Variants in NARS2 observed in about 807,000 individuals in gnomAD.
NARS2 encodes asparaginyl-tRNA synthetase 2, mitochondrial.
A neutral mutation model predicts 62.9 loss-of-function variants in NARS2; 60 were observed. That is an observed-to-expected ratio of 0.95 (90% confidence interval 0.77 to 1.18). The LOEUF is 1.18. NARS2 is among the 50% of genes most tolerant of loss of function. The probability of loss-of-function intolerance (pLI) is 0.00; values close to 1 mark genes in which losing one functional copy is unlikely to be tolerated. For synonymous variants in NARS2, 196 were observed against 200.0 expected, an observed-to-expected ratio of 0.98 and a Z score of 0.17; for missense variants, 619 against 576.4, an observed-to-expected ratio of 1.07 and a Z score of -0.76.
At chr11:78,444,118 A>C (rs1180153969) in intron 11 of NARS2, 2 of 159,274 alleles carry the variant, frequency 1.3e-5, no homozygotes, top group African/African-American at 4.8e-5. Flanking sequence ...TACAGATAAA[A>C]ACTTACCACT....
chr11:78,469,202 G>A (rs1858761105), intron 10 of NARS2, 45 bp downstream of exon 10: 1 of 1,288,190 alleles, frequency 7.8e-7, no homozygotes, highest in South Asian at 1.2e-5. Flanking sequence ...AGACAAGAAG[G>A]AAGCATTTTC....
rs897058931 is a variant in NARS2, at chr11:78,553,838, C to T, written c.594+5701G>A. 2.4e-4 allele frequency among the ~76,000 whole-genome samples: 37 copies of T among 152,086 alleles called. No individual in the cohort carries two copies. In the East Asian group the frequency reaches 3.8e-3, roughly 16 times the overall value. ...GAAATCTCTGCCAGGATGGTATTGC[C>T]TAGGTTGTCTTCCAGGGTTTTTACA... On this transcript the variant is annotated intron_variant, in intron 5 of 13. Coordinates refer to ENST00000281038, the MANE Select transcript of NARS2 (RefSeq NM_024678.6).
At chr11:78,532,312 G>C (rs1269973786) in intron 5 of NARS2, among the ~76,000 whole-genome samples, 1 of 152,024 alleles carries the variant, frequency 6.6e-6, no homozygotes, top group African/African-American at 2.4e-5. Context: ...TTTAATAAAG[G>C]AAGATATAGG....
intron 5 of NARS2, among the ~76,000 whole-genome samples, chr11:78,538,631 G>GGGGT (rs1855470076): frequency 6.6e-6 from 1 of 152,116 alleles, no homozygotes; most frequent in Non-Finnish European, 1.5e-5. Flanking sequence ...ACGTGGGAAG[G>GGGGT]GGGTGTCATA....
chr11:78,439,543 T>C (rs1857511734), intron 13 of NARS2, among the ~76,000 whole-genome samples: 1 of 152,208 alleles, frequency 6.6e-6, no homozygotes, highest in Admixed American at 6.5e-5. Flanking sequence ...TTTCATTTCA[T>C]CCGCACAATA....
In NARS2 at chr11:78,571,626, C is replaced by G. The variant is rs531658985; in HGVS notation, c.142-182G>C. The G allele has an allele frequency of 5.2e-5, 26 of 499,668 alleles. No homozygotes were observed. The Admixed American group carries it at 8.3e-4, about 16-fold the overall frequency. The allele number at this position is 499,668 out of a possible 1,614,324, so 31.0% of individuals were successfully genotyped here. A position where few individuals can be genotyped will look rare whatever the true frequency, so the allele number is the denominator to read the frequency against. On this transcript the variant is annotated intron_variant, in intron 1 of 13. Transcript: ENST00000281038. ...TGTTCCAATCACAATAGGATACACA[C>G]TTTGGTATTCTATCTTTTGTTTTCG...
At chr11:78,505,341 T>G (rs1860453049) in intron 6 of NARS2, among the ~76,000 whole-genome samples, 1 of 149,370 alleles carries the variant, frequency 6.7e-6, no homozygotes. Context: ...TGTATATATC[T>G]TATGTTAAAA....
At chr11:78,541,698 ACT>A (rs1281691052) in intron 5 of NARS2, among the ~76,000 whole-genome samples, 9 of 152,112 alleles carry the variant, frequency 5.9e-5, no homozygotes, top group Admixed American at 1.3e-4. Flanking sequence ...AGAGAGTAAG[ACT>A]CTGCCTCTAA....
chr11:78,458,924 TG>T (rs1459101747), intron 11 of NARS2, among the ~76,000 whole-genome samples: 42 of 151,160 alleles, frequency 2.8e-4, no homozygotes, highest in Admixed American at 9.2e-4. Flanking sequence ...TTTGTTTGTT[TG>T]TTTGTTTTTT....
intron 1 of NARS2, among the ~76,000 whole-genome samples, chr11:78,572,425 G>T (rs1169709203): frequency 6.6e-6 from 1 of 152,182 alleles, no homozygotes; most frequent in Non-Finnish European, 1.5e-5. Flanking sequence ...CCGATTAGTA[G>T]AGTTGAGATT....
chr11:78,448,529 C>A (rs901053493), intron 11 of NARS2, among the ~76,000 whole-genome samples: 23 of 151,900 alleles, frequency 1.5e-4, no homozygotes, highest in Non-Finnish European at 2.2e-4. Flanking sequence ...TGATCTTGAA[C>A]CACGAGGTCT....
At position 78,465,981 on chromosome 11, in the gene NARS2, C is replaced by T. The variant is rs781010451; in HGVS notation, c.1059G>A (p.Lys353=). 14 of 1,612,982 alleles carry T rather than the reference C, an allele frequency of 8.7e-6. No individual in the cohort carries two copies. In the Admixed American group the frequency reaches 1.0e-4, roughly 12 times the overall value. ...WGADLRTEHE[K]YLVKHCGNIP... is the part of the protein sequence containing the mutation. ...TGTTGCCACAGTGCTTCACCAGGTA[C>T]TTTTCATGTTCAGTCCGTAGGTCAG... is the stretch of plus-strand genomic sequence containing the variant. The change falls in exon 11 of 14, where the codon AAG becomes AAA. Residue 353 remains lysine (K), a synonymous_variant. Transcript: ENST00000281038.
chr11:78,454,040 T>C (rs1858064484), intron 11 of NARS2, among the ~76,000 whole-genome samples: 1 of 152,196 alleles, frequency 6.6e-6, no homozygotes, highest in Admixed American at 6.5e-5. Context: ...CCTTCCTTAG[T>C]GAGCTCTAAA....
At chr11:78,487,354 TAAAAA>T (rs764364438) in intron 7 of NARS2, among the ~76,000 whole-genome samples, 1 of 92,390 alleles carries the variant, frequency 1.1e-5, no homozygotes, top group African/African-American at 3.9e-5. Context: ...AGGCTCTGTC[TAAAAA>T]AAAAAAAAAA....
intron 11 of NARS2, among the ~76,000 whole-genome samples, chr11:78,458,839 C>A (rs7935292): frequency 2.0e-5 from 3 of 151,936 alleles, no homozygotes; most frequent in African/African-American, 7.3e-5. Flanking sequence ...TGGGAGATAA[C>A]TGAATCATGG....
At chr11:78,458,875 T>G (rs777867856) in intron 11 of NARS2, among the ~76,000 whole-genome samples, 4 of 152,096 alleles carry the variant, frequency 2.6e-5, no homozygotes, top group Middle Eastern at 3.2e-3. Flanking sequence ...ACTGTTCTTG[T>G]GGTAGTAAGT....
At chr11:78,512,438 A>T (rs1860752723) in intron 6 of NARS2, among the ~76,000 whole-genome samples, 2 of 152,212 alleles carry the variant, frequency 1.3e-5, no homozygotes, top group African/African-American at 2.4e-5. Flanking sequence ...ATTACCATCA[A>T]CATAGCACCT....
chr11:78,449,479 T>TA (rs1002701202), intron 11 of NARS2, among the ~76,000 whole-genome samples: 13 of 149,330 alleles, frequency 8.7e-5, no homozygotes, highest in Admixed American at 2.0e-4. Context: ...ATAGCTACGT[T>TA]AAAAAAAAAA....
At chr11:78,563,193 CA>C (rs1205157348) in intron 4 of NARS2, among the ~76,000 whole-genome samples, 2 of 148,332 alleles carry the variant, frequency 1.3e-5, no homozygotes, top group African/African-American at 5.0e-5. Flanking sequence ...TGCTAAAATT[CA>C]AGTTATTTCC....
Sources: gnomAD v4.1 joint callset for allele counts (sites outside exome capture counted in the v4.1 genomes callset) on GRCh38, gnomAD v4.1.1 for gene constraint, MANE v1.5 for transcripts, NCBI Gene and HGNC (gene_info 2026-07-23, HGNC 2026-07-21) for gene names.